The following COG6 variants were observed in gnomAD, a reference collection of about 807,000 sequenced individuals.
COG6 encodes the protein conserved oligomeric Golgi complex subunit 6.
In COG6, 74 loss-of-function variants were observed where a neutral mutation model predicts 88.8. The ratio of observed to expected loss-of-function variants is 0.83; its 90% CI spans 0.69 to 1.01. The LOEUF is 1.01. Ranked by LOEUF, COG6 falls within the 50% of genes least tolerant of loss-of-function variation. The probability of loss-of-function intolerance (pLI) is 0.00; values close to 1 mark genes in which losing one functional copy is unlikely to be tolerated. For synonymous variants in COG6, 286 were observed against 278.7 expected (o/e 1.03, Z -0.26); for missense variants, 800 against 797.9 (o/e 1.00, Z -0.03).
chr13:39,671,522 G>A lies in COG6; in HGVS notation c.429-5946G>A, dbSNP rs559415728. ...TTCTATATTCTTATTCATTCTACCT[G>A]GAATTCCATTTCCCAAAATTAATTT... On this transcript the variant is annotated intron_variant, in intron 4 of 18. Coordinates refer to ENST00000455146, the MANE Select transcript of COG6 (RefSeq NM_020751.3). 2.6e-5 allele frequency among the ~76,000 whole-genome samples: 4 copies of A among 151,090 alleles called. No homozygotes were observed. The South Asian group carries it at 8.4e-4, about 32-fold the overall frequency.
At chr13:39,660,197 A>G (rs1874808544) in intron 2 of COG6, among the ~76,000 whole-genome samples, 1 of 152,132 alleles carries the variant, frequency 6.6e-6, no homozygotes, top group African/African-American at 2.4e-5. Context: ...AAAAAAAATT[A>G]CATTAGAGAT....
At chr13:39,706,125 A>G (rs1366489485) in intron 13 of COG6, among the ~76,000 whole-genome samples, 2 of 149,970 alleles carry the variant, frequency 1.3e-5, no homozygotes, top group Non-Finnish European at 3.0e-5. Flanking sequence ...CATATTGTCA[A>G]TTACTAGAAT....
chr13:39,690,069 A>G (rs1405206853), intron 11 of COG6, among the ~76,000 whole-genome samples: 1 of 143,186 alleles, frequency 7.0e-6, no homozygotes, highest in African/African-American at 2.6e-5. Flanking sequence ...TATTTCCTGT[A>G]GTAATTTTTC....
intron 13 of COG6, among the ~76,000 whole-genome samples, chr13:39,715,812 T>C (rs1452466302): frequency 6.6e-6 from 1 of 152,036 alleles, no homozygotes; most frequent in Non-Finnish European, 1.5e-5. Context: ...CAGAGATCAC[T>C]CTATTAATTT....
At chr13:39,670,793 G>A (rs74044140) in intron 4 of COG6, among the ~76,000 whole-genome samples, 4,092 of 151,906 alleles carry the variant, frequency 0.027, 191 homozygotes, top group African/African-American at 0.093. Flanking sequence ...TACTTTCTCA[G>A]CCTTTCCCTT....
chr13:39,757,300 A>G (rs1880868132), downstream of COG6, among the ~76,000 whole-genome samples: 1 of 152,206 alleles, frequency 6.6e-6, no homozygotes, highest in Non-Finnish European at 1.5e-5. Flanking sequence ...ATGAAACACC[A>G]TACCAAATCT....
chr13:39,655,970 C>T (rs886325659), intron 1 of COG6, 91 bp downstream of exon 1: 86 of 1,478,756 alleles, frequency 5.8e-5, no homozygotes, highest in Non-Finnish European at 7.3e-5. Context: ...CCGCGGTCTC[C>T]CTCGTCCCGG....
At chr13:39,686,476 TAGAA>T (rs1211349463) in intron 8 of COG6, among the ~76,000 whole-genome samples, 1 of 152,188 alleles carries the variant, frequency 6.6e-6, no homozygotes, top group Non-Finnish European at 1.5e-5. Flanking sequence ...TCCTTCACCT[TAGAA>T]AGCCTTTCCA....
Position 39,719,356 on chromosome 13 carries a change from G to T in COG6, c.1405G>T (p.Asp469Tyr). Reference protein sequence around the residue: ...SVVPLDARQADFVQVLSCVLD... With the variant: ...SVVPLDARQAYFVQVLSCVLD... ...TGTACCATTAGATGCTCGTCAAGCT[G>T]ATTTTGTGCAGGTATGTTATAAATT... Residue 469 changes from aspartate (D) to tyrosine (Y), a missense_variant, in exon 14 of 19, where the codon GAT becomes TAT. Physicochemically the swap from Asp to Tyr is radical, Grantham distance 160 (BLOSUM62 -3). Coordinates refer to ENST00000455146, the MANE Select transcript of COG6 (RefSeq NM_020751.3). 6.2e-7 allele frequency: 1 copy of T among 1,612,240 alleles called. No individual in the cohort carries two copies. Among genetic ancestry groups the T allele is most frequent in the South Asian group, 1.1e-5 (1 of 91,004 alleles).
In COG6 at chr13:39,704,760, T is replaced by C. The variant is rs141403930; in HGVS notation, c.1284+5142T>C. On this transcript the variant is annotated intron_variant, in intron 13 of 18. Transcript: ENST00000455146. Reference sequence around the variant, plus strand: ...AAAGAAAGTAATTGTAATCTGAATTTATTAATTACCAATCAATATTGCAGC... The same window carrying C: ...AAAGAAAGTAATTGTAATCTGAATTCATTAATTACCAATCAATATTGCAGC... Among the ~76,000 whole-genome samples, 7 of 152,330 alleles carry C rather than the reference T, an allele frequency of 4.6e-5. No individual in the cohort carries two copies. In the East Asian group the frequency reaches 1.3e-3, roughly 29 times the overall value.
chr13:39,741,277 G>C (rs556960630), intron 18 of COG6, among the ~76,000 whole-genome samples: 58 of 152,160 alleles, frequency 3.8e-4, no homozygotes, highest in Non-Finnish European at 2.8e-4. Context: ...GACAGAAGTA[G>C]GCTTCAGAAA....
At chr13:39,770,375 G>A (rs1199411151) in intron 18 of COG6, among the ~76,000 whole-genome samples, 1 of 152,200 alleles carries the variant, frequency 6.6e-6, no homozygotes, top group East Asian at 1.9e-4. Flanking sequence ...GCGCATTCAT[G>A]TATGGCCTCT....
intron 4 of COG6, among the ~76,000 whole-genome samples, chr13:39,676,163 T>G (rs1875954362): frequency 6.6e-6 from 1 of 152,040 alleles, no homozygotes; most frequent in Admixed American, 6.6e-5. Context: ...CGTTGACCAA[T>G]CTCTTCCTGT....
chr13:39,766,579 C>T (rs370866581), intron 18 of COG6, among the ~76,000 whole-genome samples: 1 of 152,194 alleles, frequency 6.6e-6, no homozygotes, highest in African/African-American at 2.4e-5. Flanking sequence ...TAACCCCATC[C>T]CAAAACCAGA....
intron 15 of COG6, among the ~76,000 whole-genome samples, chr13:39,720,181 A>G (rs1031007700): frequency 6.6e-6 from 1 of 152,140 alleles, no homozygotes; most frequent in South Asian, 2.1e-4. Context: ...AACTGTGAAT[A>G]ATATGCTATA....
At chr13:39,753,395 A>G (rs1044546835), downstream of COG6, among the ~76,000 whole-genome samples, 2 of 152,256 alleles carry the variant, frequency 1.3e-5, no homozygotes, top group Non-Finnish European at 2.9e-5. Context: ...TTGTTTTTAT[A>G]AGCCAGCTAG....
chr13:39,786,016 C>A (rs1881762469), intron 18 of COG6, among the ~76,000 whole-genome samples: 1 of 152,094 alleles, frequency 6.6e-6, no homozygotes, highest in Admixed American at 6.6e-5. Flanking sequence ...CAGGATAGAG[C>A]CCAGCAGTGC....
Position 39,723,405 on chromosome 13 carries a change from A to G in COG6, c.1657A>G (p.Ile553Val). The G allele has an allele frequency of 6.2e-7, 1 of 1,609,368 alleles. No individual in the cohort carries two copies. Among genetic ancestry groups the G allele is most frequent in the Non-Finnish European group, 8.5e-7 (1 of 1,175,952 alleles). Residue 553 changes from isoleucine to valine, a missense_variant, in exon 16 of 19, where the codon ATC (isoleucine) becomes GTC (valine). Physicochemically the swap from Ile to Val is conservative, Grantham distance 29. Transcript: ENST00000455146. ...YVLTRVGLSY[I>V]YNTVQQHKPE... Reference sequence around the variant, plus strand: ...TTTAACTAGGGTAGGCTTGAGTTACATCTATAACACTGTACAGCAACATAA... The same window carrying G: ...TTTAACTAGGGTAGGCTTGAGTTACGTCTATAACACTGTACAGCAACATAA...
At chr13:39,696,582 G>A (rs939457845) in intron 12 of COG6, among the ~76,000 whole-genome samples, 1 of 151,708 alleles carries the variant, frequency 6.6e-6, no homozygotes, top group African/African-American at 2.4e-5. Context: ...TGGAGGACTA[G>A]AAAGAAAACC....
Sources: gnomAD v4.1 joint callset for allele counts (sites outside exome capture counted in the v4.1 genomes callset) on GRCh38, gnomAD v4.1.1 for gene constraint, MANE v1.5 for transcripts, NCBI Gene and HGNC (gene_info 2026-07-23, HGNC 2026-07-21) for gene names.